The following SLC36A1 variants were observed in gnomAD, a reference collection of about 807,000 sequenced individuals.
SLC36A1 encodes proton-coupled amino acid transporter 1.
Under a neutral mutation model 47.5 loss-of-function variants are expected in SLC36A1, and 30 were observed. The observed-to-expected ratio is 0.63, with a 90% CI of 0.47 to 0.86. The LOEUF (loss-of-function observed/expected upper bound fraction) is 0.86. Ranked by LOEUF, SLC36A1 falls within the 40% of genes least tolerant of loss-of-function variation. The pLI is 0.00. For synonymous variants in SLC36A1, 255 were observed against 249.7 expected, an observed-to-expected ratio of 1.02 and a Z score of -0.20; for missense variants, 517 against 606.0, an observed-to-expected ratio of 0.85 and a Z score of 1.54.
intron 10 of SLC36A1, among the ~76,000 whole-genome samples, chr5:151,487,178 G>A (rs921400614): frequency 2.0e-5 from 3 of 152,200 alleles, no homozygotes; most frequent in Admixed American, 1.3e-4. Context: ...TGGAAAGATC[G>A]GTGAGATGGG....
At chr5:151,540,677 T>A in the SLC36A1 span, 2 of 1,614,238 alleles carry the variant, frequency 1.2e-6, no homozygotes, top group Non-Finnish European at 1.7e-6. Flanking sequence ...TACTTGGCTG[T>A]ATGCTCGCGG....
chr5:151,480,319 C>T (rs1191573028), intron 10 of SLC36A1, among the ~76,000 whole-genome samples: 1 of 151,992 alleles, frequency 6.6e-6, no homozygotes, highest in African/African-American at 2.4e-5. Context: ...TATTTTTGAA[C>T]AAGAACCTCT....
the SLC36A1 span, among the ~76,000 whole-genome samples, chr5:151,375,469 G>A: frequency 4.6e-5 from 7 of 152,064 alleles, no homozygotes; most frequent in African/African-American, 1.2e-4. Flanking sequence ...ATAGCCTTGC[G>A]GTATAATTTG....
At chr5:151,545,549 T>G in the SLC36A1 span, 1 of 1,614,158 alleles carries the variant, frequency 6.2e-7, no homozygotes, top group Non-Finnish European at 8.5e-7. Context: ...CTGACATGAA[T>G]GATGACTTGG....
intron 5 of SLC36A1, among the ~76,000 whole-genome samples, chr5:151,466,569 A>G (rs922330567): frequency 4.6e-5 from 7 of 152,302 alleles, no homozygotes; most frequent in East Asian, 1.9e-4. Context: ...ACCAGCTGCT[A>G]TTGTTCAACC....
the SLC36A1 span, chr5:151,512,088 C>T: frequency 7.1e-7 from 1 of 1,409,284 alleles, no homozygotes; most frequent in Non-Finnish European, 9.7e-7. This position sits in a 1 kb window ranked among gnomAD's most constrained non-coding sequence, Gnocchi z 4.1. Context: ...TCTGAGATCT[C>T]CACCCTGACA....
At chr5:151,350,865 T>C in the SLC36A1 span, among the ~76,000 whole-genome samples, 1 of 152,034 alleles carries the variant, frequency 6.6e-6, no homozygotes, top group Non-Finnish European at 1.5e-5. Flanking sequence ...CCATGCCTAA[T>C]TTTTGTATTT....
chr5:151,367,268 T>A, the SLC36A1 span, among the ~76,000 whole-genome samples: 11 of 152,092 alleles, frequency 7.2e-5, no homozygotes, highest in Middle Eastern at 6.8e-3. Context: ...CTGAGGGTTC[T>A]GCGGGAGACC....
the SLC36A1 span, among the ~76,000 whole-genome samples, chr5:151,415,274 G>C: frequency 9.2e-5 from 14 of 152,164 alleles, no homozygotes; most frequent in Non-Finnish European, 1.8e-4. Context: ...ATGCTTGGAA[G>C]CCTTCTGGGG....
chr5:151,544,476 G>T, the SLC36A1 span: 2 of 1,614,156 alleles, frequency 1.2e-6, no homozygotes, highest in African/African-American at 2.7e-5. Flanking sequence ...TGAAGTCAGT[G>T]GTGAACAGCA....
At chr5:151,519,141 C>T in the SLC36A1 span, among the ~76,000 whole-genome samples, 1 of 152,172 alleles carries the variant, frequency 6.6e-6, no homozygotes, top group Admixed American at 6.5e-5. Flanking sequence ...GTCAGGAGTT[C>T]GAGACCAGCC....
the SLC36A1 span, chr5:151,542,413 CG>C: frequency 6.2e-7 from 1 of 1,614,148 alleles, no homozygotes; most frequent in Non-Finnish European, 8.5e-7. Flanking sequence ...AGAAGCAAAT[CG>C]GGGAGCATTG....
chr5:151,398,520 C>G, the SLC36A1 span, among the ~76,000 whole-genome samples: 1 of 152,178 alleles, frequency 6.6e-6, no homozygotes, highest in Non-Finnish European at 1.5e-5. Context: ...GGAACCAGAA[C>G]TGAAGAAACC....
At position 151,464,434 on chromosome 5, in the gene SLC36A1, G is replaced by C. The variant is rs1208805616; in HGVS notation, c.235-80G>C. The C allele has an allele frequency of 1.1e-5, 14 of 1,258,582 alleles. No homozygotes were observed. The East Asian group carries it at 3.3e-4, about 29-fold the overall frequency. 78.0% of individuals were successfully genotyped at this position (1,258,582 alleles called of 1,614,324 possible). A position where few individuals can be genotyped will look rare whatever the true frequency, so the allele number is the denominator to read the frequency against. On this transcript the variant is annotated intron_variant, in intron 3 of 10. Coordinates refer to ENST00000243389, the MANE Select transcript of SLC36A1 (RefSeq NM_078483.4). ...TGCCTTAGTAGCTTTTTAATCCTTT[G>C]TGAACTGAGTATCCATTGGGTTCAC...
the SLC36A1 span, among the ~76,000 whole-genome samples, chr5:151,345,632 G>T: frequency 0.011 from 1,686 of 152,226 alleles, 27 homozygotes; most frequent in African/African-American, 0.038. Context: ...CACCCTACTC[G>T]CCAGGCTAGC....
chr5:151,505,958 A>G, the SLC36A1 span: 22 of 1,572,454 alleles, frequency 1.4e-5, no homozygotes, highest in Non-Finnish European at 1.9e-5. Flanking sequence ...AGAGGCCATT[A>G]GGCTCTGGCA....
At chr5:151,348,968 C>T in the SLC36A1 span, among the ~76,000 whole-genome samples, 1 of 152,190 alleles carries the variant, frequency 6.6e-6, no homozygotes, top group African/African-American at 2.4e-5. Flanking sequence ...AACTGAAACA[C>T]TTGCTGTGAT....
the SLC36A1 span, among the ~76,000 whole-genome samples, chr5:151,508,286 GT>G: frequency 7.2e-5 from 11 of 152,180 alleles, no homozygotes; most frequent in Non-Finnish European, 1.3e-4. Context: ...GTTAAATGTT[GT>G]TTTCCCCAAG....
chr5:151,369,820 A>T, the SLC36A1 span, among the ~76,000 whole-genome samples: 12 of 149,844 alleles, frequency 8.0e-5, no homozygotes, highest in African/African-American at 1.7e-4. Context: ...TTTGAGACAG[A>T]GTCTCCCTCT....
Sources: gnomAD v4.1 joint callset for allele counts (sites outside exome capture counted in the v4.1 genomes callset) on GRCh38, gnomAD v4.1.1 for gene constraint, Gnocchi (gnomAD v3.1) non-coding constraint, MANE v1.5 for transcripts, NCBI Gene and HGNC (gene_info 2026-07-23, HGNC 2026-07-21) for gene names.